CDC42BPA: variants seen among roughly 807,000 people sequenced by gnomAD.
CDC42BPA encodes CDC42 binding protein kinase alpha.
Under a neutral mutation model 223.5 loss-of-function variants are expected in CDC42BPA, and 80 were observed. That is an observed-to-expected ratio of 0.36 (90% confidence interval 0.30 to 0.43). CDC42BPA has a LOEUF of 0.43. CDC42BPA is among the 20% of genes least tolerant of loss of function. CDC42BPA has a pLI of 1.00. For missense variants in CDC42BPA, 1,743 were observed against 2,099.9 expected (o/e 0.83, Z 3.32); for synonymous variants, 694 against 718.6 (o/e 0.97, Z 0.55).
Position 227,035,706 on chromosome 1 carries a change from C to G in CDC42BPA, c.3200-99G>C, listed in dbSNP as rs539837429. ...TACAAGATGCTATGTTAGATGAATG[C>G]TTATCTCCAATTTTATTTTAAATAA... On this transcript the variant is annotated intron_variant, in intron 24 of 36. Coordinates refer to ENST00000366766, the MANE Select transcript of CDC42BPA (RefSeq NM_001394014.1). The G allele has an allele frequency of 4.1e-6, 3 of 734,086 alleles. No homozygotes were observed. The South Asian group carries it at 7.5e-5, about 18-fold the overall frequency. 45.5% of individuals were successfully genotyped at this position (734,086 alleles called of 1,614,324 possible). A position where few individuals can be genotyped will look rare whatever the true frequency, so the allele number is the denominator to read the frequency against.
intron 23 of CDC42BPA, among the ~76,000 whole-genome samples, chr1:227,041,445 T>C (rs1382757709): frequency 6.6e-6 from 1 of 152,186 alleles, no homozygotes; most frequent in Non-Finnish European, 1.5e-5. Flanking sequence ...CATATTCTAA[T>C]AAATTATGAA....
At chr1:227,298,187 C>T (rs66765246) in intron 1 of CDC42BPA, among the ~76,000 whole-genome samples, 46,371 of 150,836 alleles carry the variant, frequency 0.31, 7,303 homozygotes, top group East Asian at 0.37. Context: ...TCCCCAGAGT[C>T]GTGCCACAAT....
At chr1:227,105,398 G>C (rs1297805614) in intron 14 of CDC42BPA, among the ~76,000 whole-genome samples, 1 of 110,890 alleles carries the variant, frequency 9.0e-6, no homozygotes, top group East Asian at 2.7e-4. Context: ...GTCTCACTCT[G>C]TTGTCCAGGC....
rs777211689 is a variant in CDC42BPA at position 227,316,994 on chromosome 1, T to C, written c.178+11A>G. ...AAAGATTAACAGTTTCTTTAAAAAT[T>C]ACAAACTTACCCCATTCTAGGTATT... On this transcript the variant is annotated intron_variant, in intron 1 of 36. Coordinates refer to ENST00000366766, the MANE Select transcript of CDC42BPA (RefSeq NM_001394014.1). The C allele has an allele frequency of 6.2e-7, 1 of 1,602,690 alleles. No individual in the cohort carries two copies. Among genetic ancestry groups the C allele is most frequent in the Non-Finnish European group, 8.5e-7 (1 of 1,169,868 alleles).
chr1:227,231,912 A>C (rs1400873969), intron 2 of CDC42BPA, among the ~76,000 whole-genome samples: 3 of 152,138 alleles, frequency 2.0e-5, no homozygotes, highest in Non-Finnish European at 2.9e-5. Flanking sequence ...AGATTGCAAA[A>C]ATTTTCTCCC....
chr1:227,133,188 C>T (rs1571874369), intron 10 of CDC42BPA, among the ~76,000 whole-genome samples: 2 of 151,168 alleles, frequency 1.3e-5, no homozygotes, highest in African/African-American at 4.9e-5. Context: ...TCTGCCTGGC[C>T]GGCTGCCCCG....
chr1:227,144,349 G>C (rs1242052758), intron 8 of CDC42BPA, among the ~76,000 whole-genome samples: 1 of 151,948 alleles, frequency 6.6e-6, no homozygotes, highest in Non-Finnish European at 1.5e-5. Context: ...GGCTGAGGAG[G>C]GCGGATCACA....
Position 226,994,468 on chromosome 1 carries a change from AC to A in CDC42BPA, c.5134-70del, listed in dbSNP as rs1661180143. 10 of 1,443,130 alleles carry A rather than the reference AC, an allele frequency of 6.9e-6. No individual in the cohort carries two copies. Among genetic ancestry groups the A allele is most frequent in the Non-Finnish European group, 9.1e-6 (10 of 1,093,014 alleles). 89.4% of individuals were successfully genotyped at this position (1,443,130 alleles called of 1,614,324 possible). A position where few individuals can be genotyped will look rare whatever the true frequency, so the allele number is the denominator to read the frequency against. On this transcript the variant is annotated intron_variant, in intron 36 of 36. Transcript: ENST00000366766. The surrounding 1 kb of genome is among the most constrained non-coding windows in gnomAD (Gnocchi z 4.0). ...AAGGGAGGCAGAAGGGGCTCAGATTACCACCGCCCCCTCCAGCCACCCTGAC... is the reference window on the plus strand; with the variant it reads ...AAGGGAGGCAGAAGGGGCTCAGATTACACCGCCCCCTCCAGCCACCCTGAC...
At chr1:227,264,582 A>C (rs1250941338) in intron 1 of CDC42BPA, among the ~76,000 whole-genome samples, 2 of 151,938 alleles carry the variant, frequency 1.3e-5, no homozygotes, top group Non-Finnish European at 2.9e-5. Flanking sequence ...GAGAGAAACA[A>C]GCAAGTCACG....
At chr1:227,064,776 T>C (rs1676638693) in intron 21 of CDC42BPA, among the ~76,000 whole-genome samples, 1 of 152,164 alleles carries the variant, frequency 6.6e-6, no homozygotes, top group Non-Finnish European at 1.5e-5. Flanking sequence ...AGACCACTTA[T>C]CAAAGTAGTT....
At chr1:227,086,496 C>A (rs1364410719) in intron 16 of CDC42BPA, among the ~76,000 whole-genome samples, 1 of 152,028 alleles carries the variant, frequency 6.6e-6, no homozygotes, top group Non-Finnish European at 1.5e-5. Context: ...ACGGTCACGC[C>A]AATTGATTAC....
At chr1:227,019,941 G>T (rs1215000706) in intron 32 of CDC42BPA, among the ~76,000 whole-genome samples, 3 of 151,642 alleles carry the variant, frequency 2.0e-5, no homozygotes, top group Admixed American at 6.6e-5. Context: ...TTGTTGCCCA[G>T]GCTGGAGTGC....
At chr1:227,166,155 T>A (rs1233470231) in intron 5 of CDC42BPA, among the ~76,000 whole-genome samples, 2 of 152,210 alleles carry the variant, frequency 1.3e-5, no homozygotes, top group Non-Finnish European at 2.9e-5. Context: ...ATAAAGTATG[T>A]AGCCTACTGA....
At chr1:227,288,865 G>A (rs917965111) in intron 1 of CDC42BPA, among the ~76,000 whole-genome samples, 13 of 150,020 alleles carry the variant, frequency 8.7e-5, no homozygotes, top group South Asian at 2.1e-4. Context: ...GTGGTGGCAG[G>A]TGCCTGTAAT....
chr1:227,004,258 A>G (rs145009428), intron 35 of CDC42BPA: 3 of 152,266 alleles, frequency 2.0e-5, no homozygotes, highest in African/African-American at 7.2e-5. Context: ...CTCTGAAAAT[A>G]TATCTGGAGA....
chr1:227,041,422 A>T (rs1671353452), intron 23 of CDC42BPA, among the ~76,000 whole-genome samples: 1 of 152,142 alleles, frequency 6.6e-6, no homozygotes, highest in Admixed American at 6.5e-5. Flanking sequence ...TTAAACTACT[A>T]AGAACTCTAC....
chr1:227,223,634 T>C (rs1676327890), intron 2 of CDC42BPA, among the ~76,000 whole-genome samples: 1 of 152,178 alleles, frequency 6.6e-6, no homozygotes, highest in African/African-American at 2.4e-5. Context: ...GCACCTCCCT[T>C]TGTCCCCTTC....
chr1:227,129,149 G>A lies in CDC42BPA; in HGVS notation c.1473C>T (p.Asn491=), dbSNP rs1253385380. The stretch of plus-strand genomic sequence containing the variant: ...TTAGTTTTTCAATTTCTTCTTTTAA[G>A]TTTTTTATTTCTAAATCTTTGCTTG... ...LTASKDLEIK[N]LKEEIEKLRK... The change falls in exon 11 of 37, where the codon AAC becomes AAT. Residue 491 remains asparagine, a synonymous_variant. Transcript: ENST00000366766. 5.9e-6 allele frequency: 9 copies of A among 1,527,618 alleles called. No individual in the cohort carries two copies. Among genetic ancestry groups the A allele is most frequent in the Non-Finnish European group, 8.1e-6 (9 of 1,105,554 alleles). 94.6% of individuals were successfully genotyped at this position (1,527,618 alleles called of 1,614,324 possible). A position where few individuals can be genotyped will look rare whatever the true frequency, so the allele number is the denominator to read the frequency against.
In CDC42BPA at chr1:227,074,024, T is replaced by G; in HGVS notation, c.2587-12A>C. 1 of 1,606,966 alleles carries G rather than the reference T, an allele frequency of 6.2e-7. No individual in the cohort carries two copies. Among genetic ancestry groups the G allele is most frequent in the Non-Finnish European group, 8.5e-7 (1 of 1,178,126 alleles). ...TTCCAGGGCATATCCTATGAAATAA[T>G]GACTGTGTTTTTAGTTCCATCCTAT... On this transcript the variant is annotated splice_polypyrimidine_tract_variant and intron_variant, in intron 18 of 36. Transcript: ENST00000366766.
Sources: allele counts gnomAD v4.1 joint callset (sites outside exome capture counted in the v4.1 genomes callset), GRCh38; gene constraint gnomAD v4.1.1; non-coding constraint Gnocchi (gnomAD v3.1); transcripts MANE v1.5; gene names NCBI Gene and HGNC (gene_info 2026-07-23, HGNC 2026-07-21).